Variants in IQGAP2 observed in about 807,000 individuals in gnomAD.
IQGAP2 encodes ras GTPase-activating-like protein IQGAP2.
In IQGAP2, 173 loss-of-function variants were observed where a neutral mutation model predicts 201.3. The observed-to-expected ratio is 0.86, with a 90% CI of 0.76 to 0.98. IQGAP2 has a LOEUF of 0.98. Among genes scored for constraint, IQGAP2 ranks in the 50% least tolerant of loss-of-function variants. IQGAP2 has a pLI of 0.00. For missense variants in IQGAP2, 1,687 were observed against 1,864.8 expected, an observed-to-expected ratio of 0.90 and a Z score of 1.76; for synonymous variants, 675 against 673.9, an observed-to-expected ratio of 1.00 and a Z score of -0.03.
chr5:76,563,519 G>A (rs1263568975), intron 3 of IQGAP2, among the ~76,000 whole-genome samples: 1 of 152,088 alleles, frequency 6.6e-6, no homozygotes, highest in Non-Finnish European at 1.5e-5. Context: ...ATACTATTCT[G>A]TCTACTTTTT....
chr5:76,670,309 A>G (rs1744192335), intron 23 of IQGAP2, among the ~76,000 whole-genome samples: 1 of 152,114 alleles, frequency 6.6e-6, no homozygotes, highest in Admixed American at 6.5e-5. Context: ...CAGGAGATCA[A>G]GACATACTGG....
At chr5:76,520,233 G>T (rs1758587444) in intron 2 of IQGAP2, among the ~76,000 whole-genome samples, 1 of 152,012 alleles carries the variant, frequency 6.6e-6, no homozygotes, top group East Asian at 1.9e-4. Context: ...GTTAAGGGGG[G>T]TTTTTTGCCT....
chr5:76,483,555 C>G (rs561022801), intron 2 of IQGAP2, among the ~76,000 whole-genome samples: 1 of 152,332 alleles, frequency 6.6e-6, no homozygotes, highest in African/African-American at 2.4e-5. Context: ...TGTTAAGTCA[C>G]TGGCTCTTAC....
At chr5:76,456,784 T>C (rs1342297808) in intron 1 of IQGAP2, among the ~76,000 whole-genome samples, 1 of 152,170 alleles carries the variant, frequency 6.6e-6, no homozygotes, top group Non-Finnish European at 1.5e-5. Context: ...TAACAATGTG[T>C]ATTTATAATG....
At chr5:76,651,640 T>C (rs138659834) in intron 17 of IQGAP2, among the ~76,000 whole-genome samples, 11 of 152,264 alleles carry the variant, frequency 7.2e-5, no homozygotes, top group East Asian at 5.8e-4. Flanking sequence ...TGTATGATGT[T>C]ACCATTGGGG....
At chr5:76,550,948 C>G (rs1218976920) in intron 2 of IQGAP2, among the ~76,000 whole-genome samples, 1 of 150,426 alleles carries the variant, frequency 6.6e-6, no homozygotes. Context: ...GCGCCCCTCA[C>G]CTCCCTCCCG....
At chr5:76,522,650 C>A (rs761729554) in intron 2 of IQGAP2, among the ~76,000 whole-genome samples, 2 of 152,190 alleles carry the variant, frequency 1.3e-5, no homozygotes, top group Non-Finnish European at 2.9e-5. Context: ...GAATTTACAA[C>A]GTGACAGTGT....
At chr5:76,678,755 C>T (rs1398694653) in intron 28 of IQGAP2, among the ~76,000 whole-genome samples, 5 of 152,186 alleles carry the variant, frequency 3.3e-5, no homozygotes, top group Admixed American at 2.6e-4. Flanking sequence ...TGTGCTCTAG[C>T]CCCCATCAAA....
chr5:76,512,809 C>T (rs13184958), intron 2 of IQGAP2, among the ~76,000 whole-genome samples: 1 of 152,250 alleles, frequency 6.6e-6, no homozygotes, highest in Admixed American at 6.5e-5. Flanking sequence ...GTAATCCCAG[C>T]ACTTTGGGAG....
chr5:76,596,356 G>A (rs1747034618), intron 9 of IQGAP2, among the ~76,000 whole-genome samples: 1 of 152,158 alleles, frequency 6.6e-6, no homozygotes. Flanking sequence ...TTTCCTGGTG[G>A]CAGAGTTCAT....
At chr5:76,503,879 C>A (rs145855465) in intron 2 of IQGAP2, among the ~76,000 whole-genome samples, 4 of 152,316 alleles carry the variant, frequency 2.6e-5, no homozygotes, top group African/African-American at 9.6e-5. Flanking sequence ...AGGTGTGAGC[C>A]ACCGCACCTG....
intron 1 of IQGAP2, among the ~76,000 whole-genome samples, chr5:76,429,245 TA>T (rs1467377830): frequency 2.6e-5 from 4 of 152,024 alleles, no homozygotes; most frequent in African/African-American, 9.7e-5. Context: ...TTTTTCTTTT[TA>T]GTTTTTATTC....
At chr5:76,696,419 A>G (rs1746751002) in intron 32 of IQGAP2, among the ~76,000 whole-genome samples, 2 of 152,210 alleles carry the variant, frequency 1.3e-5, no homozygotes, top group Admixed American at 1.3e-4. Context: ...AAACTTCCTG[A>G]GCAAAGGATC....
At chr5:76,639,028 C>A (rs540092673) in intron 16 of IQGAP2, among the ~76,000 whole-genome samples, 1 of 152,216 alleles carries the variant, frequency 6.6e-6, no homozygotes, top group Admixed American at 6.5e-5. Context: ...CTACAAATAC[C>A]CAAAGAATGT....
intron 30 of IQGAP2, among the ~76,000 whole-genome samples, chr5:76,684,792 G>C (rs989784850): frequency 6.6e-6 from 1 of 152,142 alleles, no homozygotes; most frequent in African/African-American, 2.4e-5. Context: ...TGCCACTGAT[G>C]TGCTGAAGTG....
intron 17 of IQGAP2, among the ~76,000 whole-genome samples, chr5:76,650,491 TG>T (rs1374406988): frequency 1.3e-5 from 2 of 152,232 alleles, no homozygotes; most frequent in Non-Finnish European, 2.9e-5. Context: ...GTGGGTTTTT[TG>T]TTAACATGTG....
intron 2 of IQGAP2, among the ~76,000 whole-genome samples, chr5:76,505,770 G>T (rs1757578531): frequency 6.6e-6 from 1 of 152,066 alleles, no homozygotes; most frequent in Admixed American, 6.6e-5. Context: ...TTTGGTTCTT[G>T]TCTCTTTAGA....
chr5:76,486,482 T>C (rs1017451737), intron 2 of IQGAP2, among the ~76,000 whole-genome samples: 2 of 152,198 alleles, frequency 1.3e-5, no homozygotes, highest in Non-Finnish European at 2.9e-5. Flanking sequence ...ATTTTCATCC[T>C]CAACACATAA....
At chr5:76,443,850 T>C (rs1561375763) in intron 1 of IQGAP2, among the ~76,000 whole-genome samples, 3 of 152,226 alleles carry the variant, frequency 2.0e-5, no homozygotes, top group East Asian at 1.9e-4. Context: ...GATACTTATA[T>C]AAAGTTTTAG....
Sources: allele counts gnomAD v4.1 joint callset (sites outside exome capture counted in the v4.1 genomes callset), GRCh38; gene constraint gnomAD v4.1.1; transcripts MANE v1.5; gene names NCBI Gene and HGNC (gene_info 2026-07-23, HGNC 2026-07-21).